CMTM4: variants seen among roughly 807,000 people sequenced by gnomAD.
CMTM4 encodes CKLF-like MARVEL transmembrane domain-containing protein 4.
A neutral mutation model predicts 19.0 loss-of-function variants in CMTM4; 8 were observed. The observed-to-expected ratio is 0.42, with a 90% confidence interval of 0.25 to 0.76. The LOEUF (loss-of-function observed/expected upper bound fraction) is 0.76. Ranked by LOEUF, CMTM4 falls within the 30% of genes least tolerant of loss-of-function variation. The pLI is 0.27. For missense variants in CMTM4, 228 were observed against 290.2 expected, an observed-to-expected ratio of 0.79 and a Z score of 1.56; for synonymous variants, 106 against 121.1, an observed-to-expected ratio of 0.88 and a Z score of 0.82.
At chr16:66,655,985 G>A (rs977400634) in intron 1 of CMTM4, among the ~76,000 whole-genome samples, 3 of 152,008 alleles carry the variant, frequency 2.0e-5, no homozygotes, top group Non-Finnish European at 4.4e-5. Context: ...CACGCCTATG[G>A]TCCCAGCTAC....
chr16:66,687,213 A>G (rs1407466522), intron 1 of CMTM4, among the ~76,000 whole-genome samples: 1 of 146,568 alleles, frequency 6.8e-6, no homozygotes, highest in Non-Finnish European at 1.5e-5. Context: ...AGTGGTCTGT[A>G]TTATCTAAAT....
intron 1 of CMTM4, among the ~76,000 whole-genome samples, chr16:66,659,901 A>G (rs189096659): frequency 6.6e-6 from 1 of 152,332 alleles, no homozygotes; most frequent in African/African-American, 2.4e-5. Flanking sequence ...TTTCCATAAT[A>G]AAAATTTAAA....
In CMTM4 at chr16:66,621,171, C is replaced by G; in HGVS notation, c.*887G>C. On this transcript the variant is annotated 3_prime_UTR_variant, in exon 4 of 4. Coordinates refer to ENST00000394106, the MANE Select transcript of CMTM4 (RefSeq NM_181521.3). ...GTGTGTGTGTGCATGTGTGCGCGCA[C>G]GCGTGTGCATGCTGTTTTTTAACAC... is the stretch of plus-strand genomic sequence containing the variant. The G allele has an allele frequency of 1.0e-6, 1 of 985,656 alleles. No individual in the cohort carries two copies. The allele number at this position is 985,656 out of a possible 1,614,324, so 61.1% of individuals were successfully genotyped here. A position where few individuals can be genotyped will look rare whatever the true frequency, so the allele number is the denominator to read the frequency against.
intron 1 of CMTM4, among the ~76,000 whole-genome samples, chr16:66,680,615 A>G (rs1193900439): frequency 1.3e-5 from 2 of 151,766 alleles, no homozygotes; most frequent in Non-Finnish European, 2.9e-5. Flanking sequence ...TCTACTAAAA[A>G]TACAAAATAT....
At chr16:66,601,238 C>T in the CMTM4 span, among the ~76,000 whole-genome samples, 2 of 152,088 alleles carry the variant, frequency 1.3e-5, no homozygotes, top group African/African-American at 4.8e-5. Context: ...GAGTTCTTGT[C>T]TTGCATCCAG....
intron 2 of CMTM4, among the ~76,000 whole-genome samples, chr16:66,633,336 C>G (rs1318829061): frequency 6.6e-6 from 1 of 151,876 alleles, no homozygotes; most frequent in African/African-American, 2.4e-5. Flanking sequence ...ACCAATCACA[C>G]CCTATTTTAA....
intron 1 of CMTM4, among the ~76,000 whole-genome samples, chr16:66,680,113 T>C (rs955351256): frequency 6.6e-6 from 1 of 152,242 alleles, no homozygotes; most frequent in African/African-American, 2.4e-5. Flanking sequence ...ACTTCAGTGC[T>C]ACCTTTAGTA....
Position 66,618,621 on chromosome 16 carries a change from A to C in CMTM4, c.*3437T>G. 1.0e-6 allele frequency: 1 copy of C among 985,484 alleles called. No homozygotes were observed. Among genetic ancestry groups the C allele is most frequent in the Non-Finnish European group, 1.2e-6 (1 of 829,944 alleles). The allele number at this position is 985,484 out of a possible 1,614,324, so 61.0% of individuals were successfully genotyped here. On this transcript the variant is annotated 3_prime_UTR_variant, in exon 4 of 4. Transcript: ENST00000394106. Reference sequence around the variant, plus strand: ...GGGTTGTTCAGGTCTCATTCACTGCAAGCAAGAATTCACGTACATGAGTGC... The same window carrying C: ...GGGTTGTTCAGGTCTCATTCACTGCCAGCAAGAATTCACGTACATGAGTGC...
chr16:66,663,196 TAAAC>T (rs926582052), intron 1 of CMTM4, among the ~76,000 whole-genome samples: 1 of 152,156 alleles, frequency 6.6e-6, no homozygotes, highest in African/African-American at 2.4e-5. Context: ...CATAACATAA[TAAAC>T]AAATGTCCAC....
the CMTM4 span, among the ~76,000 whole-genome samples, chr16:66,598,812 G>A: frequency 6.6e-6 from 1 of 152,142 alleles, no homozygotes; most frequent in Admixed American, 6.6e-5. Context: ...CCCTTCACCT[G>A]TTGATGGCCA....
chr16:66,622,301 G>A lies in CMTM4; in HGVS notation c.463-79C>T, dbSNP rs150318426. On this transcript the variant is annotated intron_variant, in intron 3 of 3. Coordinates refer to ENST00000394106, the MANE Select transcript of CMTM4 (RefSeq NM_181521.3). The surrounding 1 kb of genome is among the most constrained non-coding windows in gnomAD (Gnocchi z 4.0). ...GCTTCTGTGGTGACCCAAGCCACATGCAGCCCCTTCCTGCTCTGCCAGCTG... is the reference window on the plus strand; with the variant it reads ...GCTTCTGTGGTGACCCAAGCCACATACAGCCCCTTCCTGCTCTGCCAGCTG... 40 of 1,495,010 alleles carry A rather than the reference G, an allele frequency of 2.7e-5. No homozygotes were observed. The highest frequency in any genetic ancestry group is 2.0e-4 in the Middle Eastern group (1 of 4,936). 92.6% of individuals were successfully genotyped at this position (1,495,010 alleles called of 1,614,324 possible). A position where few individuals can be genotyped will look rare whatever the true frequency, so the allele number is the denominator to read the frequency against.
chr16:66,677,809 C>T (rs1412508753), intron 1 of CMTM4, among the ~76,000 whole-genome samples: 2 of 152,038 alleles, frequency 1.3e-5, no homozygotes, highest in Middle Eastern at 6.3e-3. Flanking sequence ...TCAAGTGATT[C>T]TCCTGTCCCA....
At chr16:66,659,575 CA>C (rs2016464952) in intron 1 of CMTM4, among the ~76,000 whole-genome samples, 2 of 152,074 alleles carry the variant, frequency 1.3e-5, no homozygotes, top group African/African-American at 4.8e-5. Context: ...TCAAACAAAC[CA>C]AAAGGGCATT....
intron 1 of CMTM4, among the ~76,000 whole-genome samples, chr16:66,691,231 C>T (rs766670707): frequency 6.6e-6 from 1 of 152,136 alleles, no homozygotes; most frequent in African/African-American, 2.4e-5. Flanking sequence ...GGATCAGGTG[C>T]GGTGGCTCAC....
At chr16:66,640,528 G>A (rs943672098) in intron 1 of CMTM4, among the ~76,000 whole-genome samples, 1 of 152,074 alleles carries the variant, frequency 6.6e-6, no homozygotes, top group Non-Finnish European at 1.5e-5. Flanking sequence ...TGAGGTATGC[G>A]GCTCTCACTC....
In CMTM4 at chr16:66,620,117, A is replaced by G; in HGVS notation, c.*1941T>C. 1 of 985,446 alleles carries G rather than the reference A, an allele frequency of 1.0e-6. No individual in the cohort carries two copies. The highest frequency in any genetic ancestry group is 1.2e-6 in the Non-Finnish European group (1 of 829,934). 61.0% of individuals were successfully genotyped at this position (985,446 alleles called of 1,614,324 possible). A position where few individuals can be genotyped will look rare whatever the true frequency, so the allele number is the denominator to read the frequency against. ...CAAAGATGGCCTTTTTTGGGGGCCA[A>G]GTAACATGATTCCCAGCAGGAGATT... On this transcript the variant is annotated 3_prime_UTR_variant, in exon 4 of 4. Transcript: ENST00000394106.
chr16:66,669,020 G>GA (rs1227203528), intron 1 of CMTM4, among the ~76,000 whole-genome samples: 2 of 151,872 alleles, frequency 1.3e-5, no homozygotes, highest in Non-Finnish European at 2.9e-5. Context: ...TACATTCACA[G>GA]AAAAAAATGG....
chr16:66,654,296 C>G (rs916296280), intron 1 of CMTM4, among the ~76,000 whole-genome samples: 1 of 152,056 alleles, frequency 6.6e-6, no homozygotes, highest in Admixed American at 6.5e-5. Context: ...ACCCCAGAAC[C>G]CTCTACAGCA....
At chr16:66,638,960 T>A (rs935903577) in intron 1 of CMTM4, among the ~76,000 whole-genome samples, 1 of 151,626 alleles carries the variant, frequency 6.6e-6, no homozygotes, top group Non-Finnish European at 1.5e-5. Context: ...ATAATGCACG[T>A]TACCTCACTG....
Sources: allele counts gnomAD v4.1 joint callset (sites outside exome capture counted in the v4.1 genomes callset), GRCh38; gene constraint gnomAD v4.1.1; non-coding constraint Gnocchi (gnomAD v3.1); transcripts MANE v1.5; gene names NCBI Gene and HGNC (gene_info 2026-07-23, HGNC 2026-07-21).